ZDHHC18: variants seen among roughly 807,000 people sequenced by gnomAD.
ZDHHC18 encodes zDHHC palmitoyltransferase 18.
ZDHHC18 carries 23 observed loss-of-function variants against 37.5 expected under a neutral mutation model. The observed-to-expected ratio is 0.61, with a 90% CI of 0.44 to 0.87. ZDHHC18 has a LOEUF of 0.87. Among genes scored for constraint, ZDHHC18 ranks in the 40% least tolerant of loss-of-function variants. The probability of loss-of-function intolerance (pLI) is 0.00; values close to 1 mark genes in which losing one functional copy is unlikely to be tolerated. For synonymous variants in ZDHHC18, 185 were observed against 218.7 expected, an observed-to-expected ratio of 0.85 and a Z score of 1.36; for missense variants, 406 against 525.6, an observed-to-expected ratio of 0.77 and a Z score of 2.22.
chr1:26,826,829 A>G lies in ZDHHC18; in HGVS notation c.25A>G (p.Ile9Val). The change falls in exon 1 of 8, where the codon ATC becomes GTC. Residue 9 changes from isoleucine to valine, a missense_variant. Transcript: ENST00000374142. This position sits in a 1 kb window ranked among gnomAD's most constrained non-coding sequence, Gnocchi z 5.2. MKDCEYQQ[I>V]SPGAAPLPAS... ...CATGAAGGACTGCGAGTACCAGCAGATCAGCCCCGGGGCCGCCCCGCTGCC... is the reference window on the plus strand; with the variant it reads ...CATGAAGGACTGCGAGTACCAGCAGGTCAGCCCCGGGGCCGCCCCGCTGCC... 1.0e-6 allele frequency: 1 copy of G among 980,514 alleles called. No homozygotes were observed. Among genetic ancestry groups the G allele is most frequent in the Non-Finnish European group, 1.2e-6 (1 of 828,202 alleles). The allele number at this position is 980,514 out of a possible 1,614,324, so 60.7% of individuals were successfully genotyped here.
intron 1 of ZDHHC18, among the ~76,000 whole-genome samples, chr1:26,829,900 C>T (rs1193390043): frequency 2.0e-5 from 3 of 152,122 alleles, no homozygotes; most frequent in Non-Finnish European, 4.4e-5. Flanking sequence ...CTCTACAAGT[C>T]TTAGATTTCA....
rs1206994052 is a variant in ZDHHC18, at chr1:26,853,999, G to A, written c.*156G>A. ...TGCGTGGCTTTCCCTGAACTGTTCC[G>A]TGGCTGTGCCCTCTGCTCCCCAAAC... is the stretch of plus-strand genomic sequence containing the variant. On this transcript the variant is annotated 3_prime_UTR_variant, in exon 8 of 8. Transcript: ENST00000374142. 3.7e-5 allele frequency: 26 copies of A among 708,136 alleles called. No homozygotes were observed. The highest frequency in any genetic ancestry group is 4.0e-4 in the Middle Eastern group (1 of 2,486). 43.9% of individuals were successfully genotyped at this position (708,136 alleles called of 1,614,324 possible).
chr1:26,840,235 T>C (rs1290749905), intron 2 of ZDHHC18, among the ~76,000 whole-genome samples: 1 of 152,210 alleles, frequency 6.6e-6, no homozygotes, highest in East Asian at 1.9e-4. Flanking sequence ...TCTGTGGCTG[T>C]CCTTCATTCA....
chr1:26,853,835 C>T lies in ZDHHC18; in HGVS notation c.1159C>T (p.His387Tyr). The change falls in exon 8 of 8, where the codon CAC becomes TAC. Residue 387 changes from histidine (H) to tyrosine (Y), a missense_variant. Physicochemically the swap from His to Tyr is moderately conservative, Grantham distance 83. Coordinates refer to ENST00000374142, the MANE Select transcript of ZDHHC18 (RefSeq NM_032283.3). ...GCCTGATGCCAGCATGGTAGGAGGC[C>T]ACCCCTGACCACGGCTCAGTACTTG... ...AKPDASMVGG[H>Y]P The T allele has an allele frequency of 6.2e-7, 1 of 1,613,412 alleles. No homozygotes were observed. The highest frequency in any genetic ancestry group is 8.5e-7 in the Non-Finnish European group (1 of 1,179,984).
intron 2 of ZDHHC18, among the ~76,000 whole-genome samples, chr1:26,834,400 C>CA: frequency 6.6e-6 from 1 of 152,328 alleles, no homozygotes; most frequent in African/African-American, 2.4e-5. Flanking sequence ...GAAGCAGAGA[C>CA]AGAGTGTGTG....
chr1:26,835,504 C>T (rs1054041700), intron 2 of ZDHHC18, among the ~76,000 whole-genome samples: 4 of 152,120 alleles, frequency 2.6e-5, no homozygotes, highest in Non-Finnish European at 5.9e-5. Context: ...AGATTGAGAC[C>T]ATCCTGGCCA....
chr1:26,829,324 A>G (rs2081573620), intron 1 of ZDHHC18, among the ~76,000 whole-genome samples: 1 of 152,140 alleles, frequency 6.6e-6, no homozygotes, highest in Non-Finnish European at 1.5e-5. Context: ...CACAACAGCC[A>G]GAGTGCCCTT....
chr1:26,832,364 G>A, intron 1 of ZDHHC18, 83 bp from the exon 2 acceptor site: 1 of 1,543,320 alleles, frequency 6.5e-7, no homozygotes, highest in Non-Finnish European at 8.8e-7. Context: ...TTGTTGGAAT[G>A]ACAGCGCCTG....
chr1:26,830,093 G>C (rs1250087235), intron 1 of ZDHHC18, among the ~76,000 whole-genome samples: 1 of 152,212 alleles, frequency 6.6e-6, no homozygotes, highest in Non-Finnish European at 1.5e-5. Context: ...CAGGGGAAGG[G>C]CTTCTCTGAA....
intron 1 of ZDHHC18, among the ~76,000 whole-genome samples, chr1:26,830,277 C>A (rs1046102443): frequency 6.6e-6 from 1 of 152,184 alleles, no homozygotes; most frequent in African/African-American, 2.4e-5. Context: ...AAGTATGAAC[C>A]TCAAAGTCAG....
In ZDHHC18 at chr1:26,850,258, C is replaced by A; in HGVS notation, c.647-43C>A. 1 of 1,603,062 alleles carries A rather than the reference C, an allele frequency of 6.2e-7. No homozygotes were observed. Among genetic ancestry groups the A allele is most frequent in the Non-Finnish European group, 8.5e-7 (1 of 1,174,492 alleles). On this transcript the variant is annotated intron_variant, in intron 3 of 7. Transcript: ENST00000374142. The surrounding 1 kb of genome is among the most constrained non-coding windows in gnomAD (Gnocchi z 6.1). ...GGCCGCCAAATGCCTGTGCTGGCTG[C>A]AGGCCAGCCCACACTAACCCATCGC...
At chr1:26,835,290 T>C (rs2081606479) in intron 2 of ZDHHC18, among the ~76,000 whole-genome samples, 1 of 152,254 alleles carries the variant, frequency 6.6e-6, no homozygotes, top group Non-Finnish European at 1.5e-5. Context: ...CCTAAGACTT[T>C]TCTTGGCGAA....
chr1:26,827,915 CT>C (rs1368738825), intron 1 of ZDHHC18, among the ~76,000 whole-genome samples: 1 of 152,184 alleles, frequency 6.6e-6, no homozygotes, highest in Non-Finnish European at 1.5e-5. Context: ...GACCACCTGG[CT>C]TTCTTTCCCT....
intron 3 of ZDHHC18, among the ~76,000 whole-genome samples, chr1:26,849,526 C>T (rs1346116972): frequency 1.3e-5 from 2 of 152,266 alleles, no homozygotes; most frequent in Non-Finnish European, 2.9e-5. Flanking sequence ...GGGCACCATT[C>T]ATCCCCAAGG....
At chr1:26,846,267 G>GAT (rs1182788376) in intron 2 of ZDHHC18, among the ~76,000 whole-genome samples, 16 of 99,836 alleles carry the variant, frequency 1.6e-4, no homozygotes, top group African/African-American at 5.9e-4. Context: ...TCTCTATAGA[G>GAT]ATATATGTGT....
intron 2 of ZDHHC18, among the ~76,000 whole-genome samples, chr1:26,838,980 T>C (rs1188768493): frequency 6.6e-6 from 1 of 152,254 alleles, no homozygotes; most frequent in Admixed American, 6.5e-5. Flanking sequence ...TGCAGCTGTT[T>C]CCTCTGCAGG....
At position 26,857,002 on chromosome 1, in the gene ZDHHC18, G is replaced by C. The variant is rs577103803; in HGVS notation, c.*3159G>C. The stretch of plus-strand genomic sequence containing the variant: ...ACAGGGTCTGCCCCCCAGCCTGCCC[G>C]GCCTGTGTGCTCTCTAGGACCCCCA... On this transcript the variant is annotated 3_prime_UTR_variant, in exon 8 of 8. Transcript: ENST00000374142. The C allele has an allele frequency of 6.5e-6, 1 of 152,684 alleles. No homozygotes were observed. The highest frequency in any genetic ancestry group is 2.4e-5 in the African/African-American group (1 of 41,572). 9.5% of individuals were successfully genotyped at this position (152,684 alleles called of 1,614,324 possible).
intron 2 of ZDHHC18, among the ~76,000 whole-genome samples, chr1:26,835,057 A>C (rs1411582082): frequency 3.3e-5 from 5 of 152,184 alleles, no homozygotes; most frequent in African/African-American, 1.2e-4. Flanking sequence ...TAAGTCTTTA[A>C]GTTTGGGTGG....
At position 26,850,449 on chromosome 1, in the gene ZDHHC18, G is replaced by A; in HGVS notation, c.784+11G>A. ...CCCACCTGACGTTGCGTGAGTTGTG[G>A]GTGAGGGCAGTGGGGAGTGGAAGGG... On this transcript the variant is annotated intron_variant, in intron 4 of 7. Coordinates refer to ENST00000374142, the MANE Select transcript of ZDHHC18 (RefSeq NM_032283.3). This position sits in a 1 kb window ranked among gnomAD's most constrained non-coding sequence, Gnocchi z 6.1. The A allele has an allele frequency of 6.2e-7, 1 of 1,613,952 alleles. No homozygotes were observed. Among genetic ancestry groups the A allele is most frequent in the African/African-American group, 1.3e-5 (1 of 74,936 alleles).
Sources: gnomAD v4.1 joint callset for allele counts (sites outside exome capture counted in the v4.1 genomes callset) on GRCh38, gnomAD v4.1.1 for gene constraint, Gnocchi (gnomAD v3.1) non-coding constraint, MANE v1.5 for transcripts, NCBI Gene and HGNC (gene_info 2026-07-23, HGNC 2026-07-21) for gene names.